The following DOCK2 variants were observed in gnomAD, a reference collection of about 807,000 sequenced individuals.
DOCK2 encodes dedicator of cytokinesis 2, also known as dedicator of cytokinesis protein 2.
Under a neutral mutation model 248.9 loss-of-function variants are expected in DOCK2, and 87 were observed. That is an observed-to-expected ratio of 0.35 (90% CI 0.29 to 0.42). The LOEUF is 0.42. Ranked by LOEUF, DOCK2 falls within the 10% of genes least tolerant of loss-of-function variation. The pLI is 1.00. For synonymous variants in DOCK2, 805 were observed against 821.6 expected (o/e 0.98, Z 0.35); for missense variants, 1,747 against 2,300.2 (o/e 0.76, Z 4.92).
intron 41 of DOCK2, 70 bp from the exon 42 acceptor site, chr5:170,055,235 C>A: frequency 6.7e-7 from 1 of 1,495,426 alleles, no homozygotes; most frequent in Non-Finnish European, 9.3e-7. Context: ...AAGGTCTCAG[C>A]AAGGACCAGC....
At chr5:170,044,709 G>A (rs538572086) in intron 38 of DOCK2, among the ~76,000 whole-genome samples, 44 of 152,272 alleles carry the variant, frequency 2.9e-4, no homozygotes, top group African/African-American at 7.5e-4. Context: ...GTTTACAGCC[G>A]TGGCTTCTCC....
intron 40 of DOCK2, among the ~76,000 whole-genome samples, chr5:170,048,681 T>C (rs1756803919): frequency 6.6e-6 from 1 of 152,188 alleles, no homozygotes; most frequent in Non-Finnish European, 1.5e-5. Context: ...AATAACAGCT[T>C]TCATGTTATT....
chr5:169,998,758 T>C (rs1311346598), intron 30 of DOCK2, among the ~76,000 whole-genome samples: 1 of 152,176 alleles, frequency 6.6e-6, no homozygotes, highest in Non-Finnish European at 1.5e-5. Flanking sequence ...ACTTTCACCC[T>C]TGCAGTGGGT....
chr5:170,017,675 T>C (rs1755581303), intron 32 of DOCK2, among the ~76,000 whole-genome samples: 1 of 152,224 alleles, frequency 6.6e-6, no homozygotes. Flanking sequence ...AATACTGTTA[T>C]TGTTCCAAGT....
At chr5:169,648,368 G>C (rs1757595224) in intron 1 of DOCK2, among the ~76,000 whole-genome samples, 1 of 152,186 alleles carries the variant, frequency 6.6e-6, no homozygotes, top group Non-Finnish European at 1.5e-5. Flanking sequence ...TTCGCTCCCA[G>C]TTGAGATCAC....
At position 170,056,702 on chromosome 5, in the gene DOCK2, C is replaced by T. The variant is rs17647491; in HGVS notation, c.4314C>T (p.Tyr1438=). 0.016 allele frequency: 26,255 copies of T among 1,613,988 alleles called. 253 individuals carry two copies. The highest frequency in any genetic ancestry group is 0.019 in the Non-Finnish European group (22,829 of 1,179,908). Residue 1438 remains tyrosine (Y), a synonymous_variant, in exon 43 of 52, where the codon TAC becomes TAT. Transcript: ENST00000520908. ...CTTTCAGCTTCTACAAATCCAACTACGTGCAAAGGTTCCACTACTCCCGGC... is the reference window on the plus strand; with the variant it reads ...CTTTCAGCTTCTACAAATCCAACTATGTGCAAAGGTTCCACTACTCCCGGC... ...DQIINFYKSN[Y]VQRFHYSRPV...
chr5:170,056,499 G>A (rs1757135960), intron 42 of DOCK2, 185 bp from the exon 43 acceptor site: 5 of 531,990 alleles, frequency 9.4e-6, no homozygotes, highest in African/African-American at 5.8e-5. Context: ...GCCTTGTCAG[G>A]AAAGCCTGTG....
chr5:169,758,097 C>G lies in DOCK2; in HGVS notation c.2377-1608C>G, dbSNP rs188286594. Reference sequence around the variant, plus strand: ...ACCACGTATTTATAATAAAAATTGACAATAGCATGGAGCCTATGATCAGGG... The same window carrying G: ...ACCACGTATTTATAATAAAAATTGAGAATAGCATGGAGCCTATGATCAGGG... On this transcript the variant is annotated intron_variant, in intron 23 of 51. Coordinates refer to ENST00000520908, the MANE Select transcript of DOCK2 (RefSeq NM_004946.3). 1.3e-3 allele frequency among the ~76,000 whole-genome samples: 199 copies of G among 152,136 alleles called. 3 individuals are homozygous for G. The highest frequency in any genetic ancestry group is 1.6e-3 in the Non-Finnish European group (106 of 68,012).
At chr5:169,718,324 A>G (rs1283275015) in intron 21 of DOCK2, among the ~76,000 whole-genome samples, 2 of 152,186 alleles carry the variant, frequency 1.3e-5, no homozygotes. Flanking sequence ...AGCATGTTCT[A>G]TAGAAAGAAA....
intron 29 of DOCK2, among the ~76,000 whole-genome samples, chr5:169,991,457 A>G (rs1778203668): frequency 6.6e-6 from 1 of 152,208 alleles, no homozygotes; most frequent in South Asian, 2.1e-4. Context: ...TCATCTGCCC[A>G]TGGCTTCTGC....
At chr5:169,950,389 A>G (rs1229627864) in intron 27 of DOCK2, among the ~76,000 whole-genome samples, 2 of 152,234 alleles carry the variant, frequency 1.3e-5, no homozygotes, top group South Asian at 2.1e-4. Flanking sequence ...AAACAGTAGT[A>G]TTATCTCAGC....
chr5:169,712,690 C>T (rs1369536387), intron 17 of DOCK2, among the ~76,000 whole-genome samples: 2 of 152,136 alleles, frequency 1.3e-5, no homozygotes, highest in African/African-American at 2.4e-5. Context: ...TTTCCTGAGT[C>T]TCAGTTTCTT....
chr5:169,967,679 G>A (rs1425400383), intron 27 of DOCK2, among the ~76,000 whole-genome samples: 1 of 152,152 alleles, frequency 6.6e-6, no homozygotes, highest in Non-Finnish European at 1.5e-5. Context: ...CTGCAACAGG[G>A]AGAATTGATT....
At chr5:169,825,968 G>A (rs572267548) in intron 26 of DOCK2, among the ~76,000 whole-genome samples, 12 of 152,106 alleles carry the variant, frequency 7.9e-5, no homozygotes, top group South Asian at 4.2e-4. Context: ...AGTTGCCAGC[G>A]TCTTTGTTTT....
At chr5:169,955,950 G>C (rs1001377141) in intron 27 of DOCK2, among the ~76,000 whole-genome samples, 1 of 152,036 alleles carries the variant, frequency 6.6e-6, no homozygotes, top group African/African-American at 2.4e-5. Context: ...ATGTGCCTAA[G>C]CCTGGGTCAT....
At chr5:169,847,503 T>C (rs1039063870) in intron 27 of DOCK2, among the ~76,000 whole-genome samples, 1 of 152,182 alleles carries the variant, frequency 6.6e-6, no homozygotes, top group Non-Finnish European at 1.5e-5. Flanking sequence ...AGGAAAAAAA[T>C]TCTACATTCT....
chr5:169,853,804 C>CTTTTTTT lies in DOCK2; in HGVS notation c.2799+12991_2799+12997dup, dbSNP rs67124138. On this transcript the variant is annotated intron_variant, in intron 27 of 51. Coordinates refer to ENST00000520908, the MANE Select transcript of DOCK2 (RefSeq NM_004946.3). ...TTCCTTCTATAATCAGGAAAAACAA[C>CTTTTTTT]TTTTTTTTTTTTTTTTTTTTTTTTT... Among the ~76,000 whole-genome samples, 18 of 56,854 alleles carry CTTTTTTT rather than the reference C, an allele frequency of 3.2e-4. 1 individual carries two copies. Among genetic ancestry groups the CTTTTTTT allele is most frequent in the Admixed American group, 6.5e-4 (2 of 3,072 alleles). 37.3% of individuals were successfully genotyped at this position (56,854 alleles called of 152,430 possible).
intron 3 of DOCK2, among the ~76,000 whole-genome samples, chr5:169,669,933 G>T (rs1020012919): frequency 6.6e-6 from 1 of 152,176 alleles, no homozygotes; most frequent in African/African-American, 2.4e-5. Flanking sequence ...TATGGAGTAA[G>T]GAAATAATAG....
intron 27 of DOCK2, among the ~76,000 whole-genome samples, chr5:169,978,392 TGGGGGGG>T (rs150934804): frequency 4.4e-5 from 1 of 22,734 alleles, no homozygotes; most frequent in South Asian, 1.9e-3. Flanking sequence ...TGTGTGTGTG[TGGGGGGG>T]GGGGGGTGTA....
Sources: allele counts gnomAD v4.1 joint callset (sites outside exome capture counted in the v4.1 genomes callset), GRCh38; gene constraint gnomAD v4.1.1; transcripts MANE v1.5; gene names NCBI Gene and HGNC (gene_info 2026-07-23, HGNC 2026-07-21).